The following ADAMTS6 variants were observed in gnomAD, a reference collection of about 807,000 sequenced individuals.
The protein encoded by ADAMTS6 is A disintegrin and metalloproteinase with thrombospondin motifs 6.
A neutral mutation model predicts 144.3 loss-of-function variants in ADAMTS6; 23 were observed. The observed-to-expected ratio is 0.16, with a 90% confidence interval of 0.11 to 0.23. The LOEUF (loss-of-function observed/expected upper bound fraction) is 0.23. Among genes scored for constraint, ADAMTS6 ranks in the 10% least tolerant of loss-of-function variants. The pLI is 1.00. For synonymous variants in ADAMTS6, 444 were observed against 457.5 expected, an observed-to-expected ratio of 0.97 and a Z score of 0.38; for missense variants, 999 against 1,379.6, an observed-to-expected ratio of 0.72 and a Z score of 4.37.
chr5:65,261,523 AT>A, intron 13 of ADAMTS6, among the ~76,000 whole-genome samples: 1 of 152,096 alleles, frequency 6.6e-6, no homozygotes. Flanking sequence ...TTATTCTGTA[AT>A]TTTTTTAAAA....
At chr5:65,182,508 T>C (rs1754428805) in intron 22 of ADAMTS6, among the ~76,000 whole-genome samples, 1 of 150,820 alleles carries the variant, frequency 6.6e-6, no homozygotes, top group Admixed American at 6.6e-5. Flanking sequence ...TTGTGTCAAG[T>C]AGTGTTCTAA....
At chr5:65,309,391 C>T (rs1325478125) in intron 9 of ADAMTS6, among the ~76,000 whole-genome samples, 1 of 146,558 alleles carries the variant, frequency 6.8e-6, no homozygotes, top group Non-Finnish European at 1.5e-5. Context: ...GGCTCTCGCT[C>T]CTATGAGAAT....
chr5:65,438,988 A>G (rs1427599205), intron 7 of ADAMTS6, among the ~76,000 whole-genome samples: 1 of 152,146 alleles, frequency 6.6e-6, no homozygotes, highest in African/African-American at 2.4e-5. Context: ...GAAGCTATTT[A>G]CTGGCAGGGT....
chr5:65,439,121 A>G (rs571826757), intron 7 of ADAMTS6, among the ~76,000 whole-genome samples: 2 of 140,860 alleles, frequency 1.4e-5, no homozygotes, highest in African/African-American at 5.3e-5. Flanking sequence ...AGCCCTAGAA[A>G]GGAAACCTCC....
At chr5:65,469,680 A>G (rs528216791) in intron 3 of ADAMTS6, among the ~76,000 whole-genome samples, 11 of 152,356 alleles carry the variant, frequency 7.2e-5, no homozygotes, top group African/African-American at 2.6e-4. Context: ...AAAGTAGACA[A>G]TTGGAGCACA....
At chr5:65,178,808 C>T (rs1423912706) in intron 22 of ADAMTS6, among the ~76,000 whole-genome samples, 1 of 152,182 alleles carries the variant, frequency 6.6e-6, no homozygotes, top group Non-Finnish European at 1.5e-5. Flanking sequence ...TAACCAAGTA[C>T]CAAAGCTTGC....
At position 65,302,774 on chromosome 5, in the gene ADAMTS6, G is replaced by A. The variant is rs954716774; in HGVS notation, c.1224-2643C>T. Among the ~76,000 whole-genome samples the A allele has an allele frequency of 4.6e-5, 7 of 151,990 alleles. No homozygotes were observed. The East Asian group carries it at 5.8e-4, about 13-fold the overall frequency. On this transcript the variant is annotated intron_variant, in intron 9 of 24. Transcript: ENST00000381055. ...AACACTATGATTCTTTTCAAGTAACGATAGCTTTAAAAATACTATTTCCTT... is the reference window on the plus strand; with the variant it reads ...AACACTATGATTCTTTTCAAGTAACAATAGCTTTAAAAATACTATTTCCTT...
intron 7 of ADAMTS6, among the ~76,000 whole-genome samples, chr5:65,407,495 C>G (rs575547202): frequency 7.8e-6 from 1 of 127,622 alleles, no homozygotes; most frequent in East Asian, 2.8e-4. Context: ...TCCCTCCCCC[C>G]ACCCCACAAC....
At chr5:65,367,657 T>A (rs987218048) in intron 7 of ADAMTS6, among the ~76,000 whole-genome samples, 1 of 152,148 alleles carries the variant, frequency 6.6e-6, no homozygotes, top group Non-Finnish European at 1.5e-5. Flanking sequence ...AGCCTTCCCA[T>A]GCAGCTGGTT....
intron 10 of ADAMTS6, among the ~76,000 whole-genome samples, chr5:65,299,005 A>C (rs1190722585): frequency 6.6e-6 from 1 of 152,082 alleles, no homozygotes; most frequent in Non-Finnish European, 1.5e-5. Flanking sequence ...CCAATTTTTA[A>C]GAAGAATTTC....
intron 24 of ADAMTS6, among the ~76,000 whole-genome samples, chr5:65,158,281 G>T (rs1752546375): frequency 6.6e-6 from 1 of 152,098 alleles, no homozygotes; most frequent in Non-Finnish European, 1.5e-5. Context: ...AAAATTCTTG[G>T]TTTGAGATTT....
At chr5:65,333,894 C>T (rs1350667463) in intron 8 of ADAMTS6, 148 bp downstream of exon 8, 2 of 871,632 alleles carry the variant, frequency 2.3e-6, no homozygotes, top group East Asian at 3.3e-5. Context: ...CTGGGTGTAA[C>T]AGGTTTTAGG....
intron 18 of ADAMTS6, among the ~76,000 whole-genome samples, chr5:65,217,503 A>G (rs1259940136): frequency 6.6e-6 from 1 of 152,156 alleles, no homozygotes; most frequent in Non-Finnish European, 1.5e-5. Context: ...AGGAAGAATG[A>G]CTAAAGGAAG....
At position 65,334,969 on chromosome 5, in the gene ADAMTS6, A is replaced by G. The variant is rs369848372; in HGVS notation, c.1074-884T>C. Among the ~76,000 whole-genome samples, 24 of 152,328 alleles carry G rather than the reference A, an allele frequency of 1.6e-4. No individual in the cohort carries two copies. In the East Asian group the frequency reaches 3.7e-3, roughly 23 times the overall value. On this transcript the variant is annotated intron_variant, in intron 7 of 24. Transcript: ENST00000381055. ...TTGCCTCTGTTTTATGCTAGAAGCG[A>G]AAAGATTTCAGTTAAAAAGTAAAGC... is the stretch of plus-strand genomic sequence containing the variant.
intron 15 of ADAMTS6, among the ~76,000 whole-genome samples, chr5:65,232,424 T>A (rs1390807628): frequency 6.6e-6 from 1 of 151,708 alleles, no homozygotes; most frequent in Non-Finnish European, 1.5e-5. Flanking sequence ...ATTGAGTTGA[T>A]TTTTTTTAAG....
chr5:65,231,213 C>T (rs1275520546), intron 15 of ADAMTS6, among the ~76,000 whole-genome samples: 2 of 151,304 alleles, frequency 1.3e-5, no homozygotes. Context: ...GAAACAGAAA[C>T]CAAAAGAGAG....
At chr5:65,356,259 T>C (rs1442899966) in intron 7 of ADAMTS6, among the ~76,000 whole-genome samples, 2 of 151,900 alleles carry the variant, frequency 1.3e-5, no homozygotes, top group African/African-American at 2.4e-5. Flanking sequence ...ACAGACATAA[T>C]AATCCACTAA....
chr5:65,243,238 C>T (rs1265490735), intron 14 of ADAMTS6, among the ~76,000 whole-genome samples: 1 of 152,090 alleles, frequency 6.6e-6, no homozygotes, highest in Non-Finnish European at 1.5e-5. Flanking sequence ...GTTACAGGCA[C>T]ACTCAGAGAT....
At chr5:65,260,551 T>C in intron 14 of ADAMTS6, 49 bp downstream of exon 14, 1 of 1,529,334 alleles carries the variant, frequency 6.5e-7, no homozygotes, top group Non-Finnish European at 9.0e-7. Context: ...TTCCCTACTC[T>C]AGGGAAAGAG....
Sources: gnomAD v4.1 joint callset for allele counts (sites outside exome capture counted in the v4.1 genomes callset) on GRCh38, gnomAD v4.1.1 for gene constraint, MANE v1.5 for transcripts, NCBI Gene and HGNC (gene_info 2026-07-23, HGNC 2026-07-21) for gene names.